The following GALNT11 variants were observed in gnomAD, a reference collection of about 807,000 sequenced individuals.
GALNT11 encodes the protein polypeptide N-acetylgalactosaminyltransferase 11.
A neutral mutation model predicts 72.7 loss-of-function variants in GALNT11; 47 were observed. That is an observed-to-expected ratio of 0.65 (90% CI 0.51 to 0.82). GALNT11 has a LOEUF of 0.82. Ranked by LOEUF, GALNT11 falls within the 40% of genes least tolerant of loss-of-function variation. GALNT11 has a pLI of 0.00. For missense variants in GALNT11, 677 were observed against 778.4 expected (o/e 0.87, Z 1.55); for synonymous variants, 270 against 286.6 (o/e 0.94, Z 0.58).
chr7:152,052,425 A>T (rs1247100219), intron 1 of GALNT11, among the ~76,000 whole-genome samples: 2 of 152,104 alleles, frequency 1.3e-5, no homozygotes, highest in Non-Finnish European at 2.9e-5. Flanking sequence ...CAGTATACCT[A>T]TATATAGTGG....
chr7:152,064,988 G>T (rs2129002905), intron 1 of GALNT11, among the ~76,000 whole-genome samples: 1 of 152,230 alleles, frequency 6.6e-6, no homozygotes, highest in African/African-American at 2.4e-5. Context: ...TCCTGAATTT[G>T]AATGTTGGCC....
intron 1 of GALNT11, chr7:152,027,655 A>C (rs6953554): frequency 0.059 from 9,023 of 153,592 alleles, 920 homozygotes; most frequent in African/African-American, 0.21. Flanking sequence ...TGTGTCCGGA[A>C]TTGGTTCCTT....
chr7:152,107,951 T>G lies in GALNT11; in HGVS notation c.713-87T>G, dbSNP rs557934146. Reference sequence around the variant, plus strand: ...AGGGTGGCAGTCGTGTTTCATGCTGTGTCAGCGCGTCATCCCATTGGACGG... The same window carrying G: ...AGGGTGGCAGTCGTGTTTCATGCTGGGTCAGCGCGTCATCCCATTGGACGG... On this transcript the variant is annotated intron_variant, in intron 5 of 11. Coordinates refer to ENST00000430044, the MANE Select transcript of GALNT11 (RefSeq NM_022087.4). The G allele has an allele frequency of 3.4e-6, 5 of 1,472,548 alleles. No homozygotes were observed. The Admixed American group carries it at 5.7e-5, about 17-fold the overall frequency. The allele number at this position is 1,472,548 out of a possible 1,614,324, so 91.2% of individuals were successfully genotyped here. A position where few individuals can be genotyped will look rare whatever the true frequency, so the allele number is the denominator to read the frequency against.
rs201978640 is a variant in GALNT11 at position 152,121,557 on chromosome 7, G to A, written c.1707G>A (p.Arg569=). ...TACCTTTTTTTCAGAAAAACAATCG[G>A]CTATACCAGGTGTCGGTTGGACAGT... ...SQQWTFGKNN[R]LYQVSVGQCL... is the part of the protein sequence containing the mutation. The change falls in exon 12 of 12, where the codon CGG becomes CGA. Residue 569 remains arginine, a synonymous_variant. Coordinates refer to ENST00000430044, the MANE Select transcript of GALNT11 (RefSeq NM_022087.4). 3 of 1,610,072 alleles carry A rather than the reference G, an allele frequency of 1.9e-6. No homozygotes were observed. Among genetic ancestry groups the A allele is most frequent in the Non-Finnish European group, 2.5e-6 (3 of 1,178,730 alleles).
chr7:152,028,387 A>G (rs1440576109), intron 1 of GALNT11, among the ~76,000 whole-genome samples: 1 of 152,158 alleles, frequency 6.6e-6, no homozygotes, highest in Non-Finnish European at 1.5e-5. Flanking sequence ...AGCTAGACAC[A>G]GAGCGCTGAT....
At chr7:152,034,592 G>A (rs1373218952) in intron 1 of GALNT11, among the ~76,000 whole-genome samples, 1 of 152,146 alleles carries the variant, frequency 6.6e-6, no homozygotes, top group Non-Finnish European at 1.5e-5. Context: ...ACCGCCCGCA[G>A]TTTTGGTTTG....
chr7:152,056,406 A>C (rs2083679438), intron 1 of GALNT11, among the ~76,000 whole-genome samples: 1 of 152,226 alleles, frequency 6.6e-6, no homozygotes, highest in Admixed American at 6.5e-5. Flanking sequence ...ACGTTTTCCC[A>C]GAAATTACCA....
chr7:152,028,980 A>G (rs2082176722), intron 1 of GALNT11, among the ~76,000 whole-genome samples: 1 of 152,206 alleles, frequency 6.6e-6, no homozygotes, highest in Non-Finnish European at 1.5e-5. Flanking sequence ...TAATAGCAAG[A>G]TGGCTGCCAC....
rs1476980631 is a variant in GALNT11, at chr7:152,122,140, C to CTA, written c.*464_*465insAT. 3 of 150,520 alleles carry CTA rather than the reference C, an allele frequency of 2.0e-5. No homozygotes were observed. Among genetic ancestry groups the CTA allele is most frequent in the African/African-American group, 7.4e-5 (3 of 40,694 alleles). 9.3% of individuals were successfully genotyped at this position (150,520 alleles called of 1,614,324 possible). A position where few individuals can be genotyped will look rare whatever the true frequency, so the allele number is the denominator to read the frequency against. On this transcript the variant is annotated 3_prime_UTR_variant, in exon 12 of 12. Transcript: ENST00000430044. ...ACTTGTCATGATTTCCTTTCTTAGACTTCATAGGAGATAGTGCTTTAAAAA... is the reference window on the plus strand; with the variant it reads ...ACTTGTCATGATTTCCTTTCTTAGACTATTCATAGGAGATAGTGCTTTAAAAA...
At chr7:152,065,012 T>G (rs1278217414) in intron 1 of GALNT11, among the ~76,000 whole-genome samples, 1 of 152,200 alleles carries the variant, frequency 6.6e-6, no homozygotes, top group East Asian at 1.9e-4. Flanking sequence ...CTTGCTAGGT[T>G]GGGGAAATTC....
chr7:152,058,722 A>G (rs1217213554), intron 1 of GALNT11, among the ~76,000 whole-genome samples: 1 of 152,234 alleles, frequency 6.6e-6, no homozygotes, highest in Non-Finnish European at 1.5e-5. Flanking sequence ...GTTTGATAGC[A>G]ATTTACCCAC....
chr7:152,077,736 T>C (rs961193022), intron 1 of GALNT11, among the ~76,000 whole-genome samples: 1 of 152,054 alleles, frequency 6.6e-6, no homozygotes, highest in African/African-American at 2.4e-5. Flanking sequence ...ATTTTTCAAA[T>C]AGTGTCCACC....
intron 1 of GALNT11, among the ~76,000 whole-genome samples, chr7:152,036,875 G>T (rs1421042646): frequency 6.6e-6 from 1 of 152,078 alleles, no homozygotes; most frequent in East Asian, 1.9e-4. Context: ...TTTGCTATTT[G>T]TATGTCTTAT....
In GALNT11 at chr7:152,115,629, A is replaced by T. The variant is rs932857053; in HGVS notation, c.1234-1528A>T. Among the ~76,000 whole-genome samples, 9 of 152,234 alleles carry T rather than the reference A, an allele frequency of 5.9e-5. No homozygotes were observed. In the South Asian group the frequency reaches 1.7e-3, roughly 28 times the overall value. On this transcript the variant is annotated intron_variant, in intron 8 of 11. Transcript: ENST00000430044. ...CCATAGTTACTCGTATTTGGGTAAA[A>T]CGAACTAAATAATGAAAATGAAAAC...
chr7:152,113,404 A>G lies in GALNT11; in HGVS notation c.1233+6A>G, dbSNP rs367894532. The G allele has an allele frequency of 4.8e-5, 77 of 1,612,590 alleles. No individual in the cohort carries two copies. Among genetic ancestry groups the G allele is most frequent in the Non-Finnish European group, 5.9e-5 (70 of 1,179,458 alleles). On this transcript the variant is annotated splice_donor_region_variant and intron_variant, in intron 8 of 11. Transcript: ENST00000430044. ...TCTGGTTGGATGAATACAAGGTGAG[A>G]TGAAATTTCTTGTTTAGAAGGATGA...
chr7:152,086,504 A>G (rs1049843641), intron 1 of GALNT11, among the ~76,000 whole-genome samples: 2 of 152,228 alleles, frequency 1.3e-5, no homozygotes, highest in Non-Finnish European at 2.9e-5. Context: ...GGGAAAAAGA[A>G]TAACATCTGC....
chr7:152,058,369 G>A, intron 1 of GALNT11, among the ~76,000 whole-genome samples: 1 of 151,992 alleles, frequency 6.6e-6, no homozygotes, highest in East Asian at 1.9e-4. Context: ...TTTTGAGATG[G>A]AGTCTTGCTC....
At chr7:152,056,016 G>T (rs767560231) in intron 1 of GALNT11, among the ~76,000 whole-genome samples, 2 of 150,974 alleles carry the variant, frequency 1.3e-5, no homozygotes, top group Non-Finnish European at 2.9e-5. Context: ...TCCTCAGTTC[G>T]TGGCAATCAC....
chr7:152,095,791 T>C (rs1403200870), intron 2 of GALNT11, among the ~76,000 whole-genome samples: 3 of 152,190 alleles, frequency 2.0e-5, no homozygotes, highest in Non-Finnish European at 1.5e-5. Flanking sequence ...TATTTGCTTT[T>C]GAAAGAAGTA....
Sources: gnomAD v4.1 joint callset for allele counts (sites outside exome capture counted in the v4.1 genomes callset) on GRCh38, gnomAD v4.1.1 for gene constraint, MANE v1.5 for transcripts, NCBI Gene and HGNC (gene_info 2026-07-23, HGNC 2026-07-21) for gene names.